The following BICRA variants were observed in gnomAD, a reference collection of about 807,000 sequenced individuals.
The protein encoded by BICRA is BRD4-interacting chromatin-remodeling complex-associated protein.
BICRA carries 31 observed loss-of-function variants against 96.9 expected under a neutral mutation model. That is an observed-to-expected ratio of 0.32 (90% confidence interval 0.24 to 0.43). The LOEUF (loss-of-function observed/expected upper bound fraction) is 0.43, where lower values mean the gene tolerates loss of function less well. Ranked by LOEUF, BICRA falls within the 20% of genes least tolerant of loss-of-function variation. The pLI, the probability that BICRA is intolerant of heterozygous loss-of-function variation, is 1.00. For missense variants in BICRA, 2,283 were observed against 2,190.3 expected (o/e 1.04, Z -0.84); for synonymous variants, 1,350 against 1,071.8 (o/e 1.26, Z -5.07).
intron 1 of BICRA, among the ~76,000 whole-genome samples, chr19:47,670,016 A>G (rs1435919149): frequency 6.6e-6 from 1 of 150,404 alleles, no homozygotes; most frequent in East Asian, 2.0e-4. Flanking sequence ...TAATGCCACT[A>G]TCCTAGCTCA....
Position 47,680,201 on chromosome 19 carries a change from T to A in BICRA, c.1031T>A (p.Leu344Gln). 6.4e-7 allele frequency: 1 copy of A among 1,551,614 alleles called. No individual in the cohort carries two copies. Among genetic ancestry groups the A allele is most frequent in the Non-Finnish European group, 8.6e-7 (1 of 1,157,590 alleles). Reference protein sequence around the residue: ...SPLVPAPNVILHRTPTPIQPK... With the variant: ...SPLVPAPNVIQHRTPTPIQPK... ...CTGGTCCCGGCGCCCAACGTGATCCTGCATCGCACACCCACGCCCATCCAG... is the reference window on the plus strand; with the variant it reads ...CTGGTCCCGGCGCCCAACGTGATCCAGCATCGCACACCCACGCCCATCCAG... The change falls in exon 6 of 15, where the codon CTG (leucine) becomes CAG (glutamine). Residue 344 changes from leucine (L) to glutamine (Q), a missense_variant. Transcript: ENST00000594866.
chr19:47,659,904 C>T (rs1165230939), intron 1 of BICRA, among the ~76,000 whole-genome samples: 1 of 152,100 alleles, frequency 6.6e-6, no homozygotes, highest in African/African-American at 2.4e-5. Flanking sequence ...TGCACACTAG[C>T]ATACCTGGCT....
At chr19:47,642,050 T>G (rs902105360) in intron 1 of BICRA, among the ~76,000 whole-genome samples, 5 of 152,358 alleles carry the variant, frequency 3.3e-5, no homozygotes, top group Non-Finnish European at 7.3e-5. Context: ...TTTTGCAACT[T>G]TCTGCAATTT....
chr19:47,637,546 T>C (rs1030632745), intron 1 of BICRA, among the ~76,000 whole-genome samples: 1 of 152,188 alleles, frequency 6.6e-6, no homozygotes, highest in South Asian at 2.1e-4. Context: ...AGACACATAA[T>C]TCACATATCA....
At chr19:47,682,952 G>T (rs1973089761) in intron 7 of BICRA, among the ~76,000 whole-genome samples, 1 of 152,150 alleles carries the variant, frequency 6.6e-6, no homozygotes, top group African/African-American at 2.4e-5. Flanking sequence ...GATTACATGT[G>T]TAGGCCACTG....
intron 9 of BICRA, 57 bp downstream of exon 9, chr19:47,695,137 G>A: frequency 1.8e-6 from 2 of 1,119,826 alleles, no homozygotes; most frequent in South Asian, 3.0e-5. Flanking sequence ...TGGGTGGGCG[G>A]GGCTGAGCAG....
chr19:47,651,972 G>A (rs139339969), intron 1 of BICRA, among the ~76,000 whole-genome samples: 2 of 152,342 alleles, frequency 1.3e-5, no homozygotes, highest in African/African-American at 4.8e-5. Context: ...ACCGCACCAG[G>A]TCAGCATCTG....
At chr19:47,666,679 C>G (rs10403550) in intron 1 of BICRA, among the ~76,000 whole-genome samples, 56,322 of 151,844 alleles carry the variant, frequency 0.37, 10,780 homozygotes, top group East Asian at 0.61. Context: ...TCAAGTAATT[C>G]TCCCACCTCA....
rs140693675 is a variant in BICRA, at chr19:47,686,417, T to G, written c.2283+4265T>G. 4.1e-3 allele frequency among the ~76,000 whole-genome samples: 621 copies of G among 152,038 alleles called. 5 individuals carry two copies. Among genetic ancestry groups the G allele is most frequent in the Admixed American group, 9.8e-3 (150 of 15,238 alleles). ...TTAGCGGGGAGGCATGGAGTCTCCCTCTGCTGCCCAGGCTGGAGTGTAGTG... is the reference window on the plus strand; with the variant it reads ...TTAGCGGGGAGGCATGGAGTCTCCCGCTGCTGCCCAGGCTGGAGTGTAGTG... On this transcript the variant is annotated intron_variant, in intron 7 of 14. Coordinates refer to ENST00000594866, the MANE Select transcript of BICRA (RefSeq NM_001394372.1).
At chr19:47,689,908 T>TC (rs1232346735) in intron 7 of BICRA, among the ~76,000 whole-genome samples, 1 of 152,220 alleles carries the variant, frequency 6.6e-6, no homozygotes, top group Non-Finnish European at 1.5e-5. Flanking sequence ...ACAGTTCATT[T>TC]CCCCAGGAAA....
chr19:47,679,812 C>G lies in BICRA; in HGVS notation c.642C>G (p.Leu214=), dbSNP rs1251012468. ...TGACACTGCAGCCCATCCCGGGCCT[C>G]CAAGGCCTGCCCAATGGCAGCCCTG... ...GNVTLQPIPG[L]QGLPNGSPGG... is the part of the protein sequence containing the mutation. The change falls in exon 6 of 15, where the codon CTC becomes CTG. Residue 214 remains leucine (L), a synonymous_variant. Transcript: ENST00000594866. 1.3e-6 allele frequency: 2 copies of G among 1,486,392 alleles called. No individual in the cohort carries two copies. Among genetic ancestry groups the G allele is most frequent in the African/African-American group, 2.8e-5 (2 of 70,486 alleles). 92.1% of individuals were successfully genotyped at this position (1,486,392 alleles called of 1,614,324 possible).
chr19:47,628,619 T>A (rs1000016718), intron 1 of BICRA, among the ~76,000 whole-genome samples: 2 of 152,138 alleles, frequency 1.3e-5, no homozygotes, highest in Non-Finnish European at 1.5e-5. Flanking sequence ...TGTGGGGAGT[T>A]TGGGGCTCAT....
At chr19:47,655,551 A>G (rs1337365231) in intron 1 of BICRA, among the ~76,000 whole-genome samples, 1 of 133,434 alleles carries the variant, frequency 7.5e-6, no homozygotes, top group Non-Finnish European at 1.6e-5. Flanking sequence ...AAAAAAAATT[A>G]GTAAAATGTC....
At chr19:47,626,873 C>T (rs981510993) in intron 1 of BICRA, among the ~76,000 whole-genome samples, 14 of 152,004 alleles carry the variant, frequency 9.2e-5, no homozygotes, top group Admixed American at 1.3e-4. Context: ...AGGCGCCCAC[C>T]ACCACACCCA....
chr19:47,622,446 C>T (rs1014419920), intron 1 of BICRA, among the ~76,000 whole-genome samples: 8 of 143,186 alleles, frequency 5.6e-5, no homozygotes, highest in Admixed American at 1.4e-4. Flanking sequence ...AGGAGTGGGC[C>T]GGGCGTGGTG....
At chr19:47,657,855 G>C (rs968691903) in intron 1 of BICRA, among the ~76,000 whole-genome samples, 3 of 151,942 alleles carry the variant, frequency 2.0e-5, no homozygotes, top group Admixed American at 2.0e-4. Context: ...CTAGGAGAAG[G>C]CCATTCCAGG....
At chr19:47,625,185 A>T (rs1972122766) in intron 1 of BICRA, among the ~76,000 whole-genome samples, 1 of 151,370 alleles carries the variant, frequency 6.6e-6, no homozygotes, top group Non-Finnish European at 1.5e-5. Context: ...TTTTTAGTAG[A>T]GATAGGGTTT....
chr19:47,671,631 A>T (rs1192104832), intron 2 of BICRA, among the ~76,000 whole-genome samples: 1 of 151,294 alleles, frequency 6.6e-6, no homozygotes, highest in Non-Finnish European at 1.5e-5. Flanking sequence ...GCTTGGAAGG[A>T]TAGAGGGATG....
intron 1 of BICRA, among the ~76,000 whole-genome samples, chr19:47,647,782 A>G (rs1288328555): frequency 6.6e-6 from 1 of 151,852 alleles, no homozygotes; most frequent in Non-Finnish European, 1.5e-5. Context: ...AGATGTCCGC[A>G]TCGTTAGTGA....
Sources: gnomAD v4.1 joint callset for allele counts (sites outside exome capture counted in the v4.1 genomes callset) on GRCh38, gnomAD v4.1.1 for gene constraint, MANE v1.5 for transcripts, NCBI Gene and HGNC (gene_info 2026-07-23, HGNC 2026-07-21) for gene names.